DMD: variants seen among roughly 807,000 people sequenced by gnomAD.
DMD encodes the protein mutant dystrophin.
A neutral mutation model predicts 330.1 loss-of-function variants in DMD; 63 were observed. The ratio of observed to expected loss-of-function variants is 0.19; its 90% CI spans 0.16 to 0.24. The LOEUF (loss-of-function observed/expected upper bound fraction) is 0.24. Among genes scored for constraint, DMD ranks in the 10% least tolerant of loss-of-function variants. The pLI is 1.00. For synonymous variants in DMD, 1,223 were observed against 959.8 expected, an observed-to-expected ratio of 1.27 and a Z score of -5.07; for missense variants, 3,344 against 2,684.1, an observed-to-expected ratio of 1.25 and a Z score of -5.43.
chrX:32,209,094 C>T (rs773748567), intron 44 of DMD, among the ~76,000 whole-genome samples: 5 of 110,955 alleles, frequency 4.5e-5, no homozygotes, highest in Non-Finnish European at 7.6e-5. Flanking sequence ...TATTGGTGAT[C>T]GAGAAAGACC....
At chrX:31,412,186 C>CAAAAAAA (rs764012481) in intron 60 of DMD, among the ~76,000 whole-genome samples, 16 of 43,786 alleles carry the variant, frequency 3.7e-4, no homozygotes, top group African/African-American at 1.4e-3. Flanking sequence ...ACTCTTGTCT[C>CAAAAAAA]AAAAAAAAAA....
intron 2 of DMD, among the ~76,000 whole-genome samples, chrX:32,935,466 A>AT (rs773450015): frequency 1.1e-4 from 12 of 111,499 alleles, no homozygotes; most frequent in African/African-American, 3.3e-4. Context: ...TGTTTTTATG[A>AT]TTTTCTCATA....
chrX:33,230,044 G>A (rs1046659275), intron 1 of DMD, among the ~76,000 whole-genome samples: 2 of 111,436 alleles, frequency 1.8e-5, no homozygotes, highest in Non-Finnish European at 3.8e-5. Flanking sequence ...CAAAGATTGC[G>A]AACATAGCAA....
At chrX:32,075,586 AAGTTCCTACAGATTCTC>A (rs999632402) in intron 44 of DMD, among the ~76,000 whole-genome samples, 2 of 111,684 alleles carry the variant, frequency 1.8e-5, no homozygotes, top group Non-Finnish European at 3.8e-5. Flanking sequence ...TTTATCTTGC[AAGTTCCTACAGATTCTC>A]AATTCTGTAC....
At chrX:31,778,997 C>A (rs994721211) in intron 50 of DMD, among the ~76,000 whole-genome samples, 1 of 111,835 alleles carries the variant, frequency 8.9e-6, no homozygotes, top group African/African-American at 3.2e-5. Flanking sequence ...ATATGCAAAT[C>A]ACCTTTTTCA....
At chrX:32,296,939 G>A (rs2097499151) in intron 42 of DMD, among the ~76,000 whole-genome samples, 1 of 111,322 alleles carries the variant, frequency 9.0e-6, no homozygotes, top group Non-Finnish European at 1.9e-5. Context: ...TTCTCTGAAG[G>A]ACTAACATTA....
At chrX:33,296,187 G>T (rs1278926861) in intron 1 of DMD, among the ~76,000 whole-genome samples, 4 of 110,771 alleles carry the variant, frequency 3.6e-5, no homozygotes, top group Non-Finnish European at 7.6e-5. Flanking sequence ...CTTGTGAAAG[G>T]TATTCCATAT....
intron 43 of DMD, among the ~76,000 whole-genome samples, chrX:32,232,219 A>G (rs1308280270): frequency 8.9e-6 from 1 of 112,147 alleles, no homozygotes; most frequent in African/African-American, 3.2e-5. Flanking sequence ...AGTTGCACCC[A>G]TAAGGCAGAG....
intron 44 of DMD, among the ~76,000 whole-genome samples, chrX:32,062,426 T>C (rs2096232330): frequency 9.0e-6 from 1 of 110,796 alleles, no homozygotes; most frequent in Non-Finnish European, 1.9e-5. Flanking sequence ...TCATTTCTAT[T>C]TTAAAAGGAA....
chrX:31,291,382 G>A (rs184399537), intron 62 of DMD, among the ~76,000 whole-genome samples: 13 of 111,440 alleles, frequency 1.2e-4, no homozygotes, highest in Admixed American at 4.8e-4. Context: ...ATAACTTTCC[G>A]GAGCCACCAT....
chrX:32,294,133 C>A (rs1048977531), intron 42 of DMD, among the ~76,000 whole-genome samples: 8 of 111,628 alleles, frequency 7.2e-5, no homozygotes, highest in African/African-American at 2.6e-4. Flanking sequence ...ACTCTGAATT[C>A]TTTTAAGTCA....
At chrX:31,577,728 T>A (rs1458317664) in intron 55 of DMD, among the ~76,000 whole-genome samples, 1 of 111,796 alleles carries the variant, frequency 8.9e-6, no homozygotes, top group Non-Finnish European at 1.9e-5. Context: ...ACTACTTGAC[T>A]TGTAAAACAA....
intron 12 of DMD, among the ~76,000 whole-genome samples, chrX:32,610,477 G>T (rs1569303013): frequency 9.0e-6 from 1 of 111,350 alleles, no homozygotes; most frequent in Non-Finnish European, 1.9e-5. Context: ...ATAATAAAAT[G>T]CTGTTGAAAT....
At chrX:32,889,162 C>T (rs2084947641) in intron 2 of DMD, among the ~76,000 whole-genome samples, 2 of 110,677 alleles carry the variant, frequency 1.8e-5, no homozygotes, top group African/African-American at 6.6e-5. Context: ...AAAGTTATGT[C>T]AGACCCAGGC....
intron 1 of DMD, among the ~76,000 whole-genome samples, chrX:33,287,621 T>C (rs904507506): frequency 1.1e-4 from 12 of 111,640 alleles, no homozygotes; most frequent in Non-Finnish European, 2.3e-4. Flanking sequence ...AAATGCCTTT[T>C]CTTCAACATC....
chrX:32,663,577 A>G (rs2061088570), intron 9 of DMD, among the ~76,000 whole-genome samples: 1 of 111,767 alleles, frequency 8.9e-6, no homozygotes, highest in Non-Finnish European at 1.9e-5. Flanking sequence ...TAGTACAAAT[A>G]GTGTTGCTTT....
At chrX:31,605,259 T>G (rs2077555893) in intron 55 of DMD, among the ~76,000 whole-genome samples, 1 of 111,593 alleles carries the variant, frequency 9.0e-6, no homozygotes, top group Non-Finnish European at 1.9e-5. Context: ...AACAATGAGG[T>G]TGTTGTATAC....
intron 29 of DMD, chrX:32,412,157 C>T (rs779849387): frequency 2.5e-5 from 28 of 1,126,640 alleles, no homozygotes; most frequent in Admixed American, 1.2e-4. Context: ...CACAATATCA[C>T]GTACATTAAG....
At chrX:32,449,689 T>C (rs2098322182) in intron 26 of DMD, among the ~76,000 whole-genome samples, 1 of 108,686 alleles carries the variant, frequency 9.2e-6, no homozygotes, top group Admixed American at 9.9e-5. Flanking sequence ...AGAGAGTTGG[T>C]GGTGGTCTTC....
Sources: allele counts gnomAD v4.1 joint callset (sites outside exome capture counted in the v4.1 genomes callset), GRCh38; gene constraint gnomAD v4.1.1; transcripts MANE v1.5; gene names NCBI Gene and HGNC (gene_info 2026-07-23, HGNC 2026-07-21).